MMP15: variants seen among roughly 807,000 people sequenced by gnomAD.
MMP15 encodes matrix metalloproteinase-15.
In MMP15, 36 loss-of-function variants were observed where a neutral mutation model predicts 65.0. The observed-to-expected ratio is 0.55, with a 90% CI of 0.42 to 0.73. MMP15 has a LOEUF of 0.73. Ranked by LOEUF, MMP15 falls within the 30% of genes least tolerant of loss-of-function variation. The pLI, the probability that MMP15 is intolerant of heterozygous loss-of-function variation, is 0.00. For synonymous variants in MMP15, 428 were observed against 410.2 expected (o/e 1.04, Z -0.52); for missense variants, 870 against 987.8 (o/e 0.88, Z 1.60).
intron 9 of MMP15, among the ~76,000 whole-genome samples, chr16:58,043,976 G>C (rs962435042): frequency 7.9e-5 from 12 of 152,178 alleles, no homozygotes; most frequent in Non-Finnish European, 1.8e-4. Context: ...CCACCCCCAG[G>C]CAATCCCAGG....
At position 58,038,323 on chromosome 16, in the gene MMP15, C is replaced by T. The variant is rs1567430266; in HGVS notation, c.369C>T (p.Ala123=). 3.1e-6 allele frequency: 5 copies of T among 1,614,098 alleles called. No individual in the cohort carries two copies. The highest frequency in any genetic ancestry group is 1.3e-5 in the African/African-American group (1 of 75,058). Residue 123 remains alanine, a synonymous_variant, in exon 3 of 10, where the codon GCC becomes GCT. Transcript: ENST00000219271. ...VPDQFGVRVK[A]NLRRRRKRYA... is the part of the protein sequence containing the mutation. ...ACCAGTTCGGGGTACGAGTGAAAGC[C>T]AACCTGCGGCGGCGTCGGAAGCGCT...
intron 1 of MMP15, among the ~76,000 whole-genome samples, chr16:58,032,768 A>G (rs1959258135): frequency 6.6e-6 from 1 of 152,176 alleles, no homozygotes; most frequent in African/African-American, 2.4e-5. Context: ...TGGGCATGGT[A>G]AGGACCTCAC....
At position 58,043,378 on chromosome 16, in the gene MMP15, C is replaced by T. The variant is rs772236366; in HGVS notation, c.1454+18C>T. The T allele has an allele frequency of 5.6e-6, 9 of 1,599,628 alleles. No homozygotes were observed. Among genetic ancestry groups the T allele is most frequent in the Non-Finnish European group, 6.8e-6 (8 of 1,173,266 alleles). On this transcript the variant is annotated intron_variant, in intron 8 of 9. Coordinates refer to ENST00000219271, the MANE Select transcript of MMP15 (RefSeq NM_002428.4). ...GAGGACAGGTGAGCAGTGCGTCCCTCCCCTAAGGGGAGAAGGCCCCATCTA... is the reference window on the plus strand; with the variant it reads ...GAGGACAGGTGAGCAGTGCGTCCCTTCCCTAAGGGGAGAAGGCCCCATCTA...
intron 1 of MMP15, among the ~76,000 whole-genome samples, chr16:58,028,018 C>T (rs1378814131): frequency 6.6e-6 from 1 of 152,194 alleles, no homozygotes; most frequent in African/African-American, 2.4e-5. Flanking sequence ...AGTCACAGTC[C>T]CACCATTGAG....
At position 58,038,645 on chromosome 16, in the gene MMP15, T is replaced by C. The variant is rs1396884590; in HGVS notation, c.440+251T>C. Among the ~76,000 whole-genome samples, 4 of 152,200 alleles carry C rather than the reference T, an allele frequency of 2.6e-5. No homozygotes were observed. In the East Asian group the frequency reaches 7.7e-4, roughly 29 times the overall value. ...CTGGCCTCACTGGGCACAGCTGGGC[T>C]ACTGCCCCAGCACAGACTGCAGCAA... On this transcript the variant is annotated intron_variant, in intron 3 of 9. Transcript: ENST00000219271.
In MMP15 at chr16:58,042,332, C is replaced by G. The variant is rs1174251430; in HGVS notation, c.1266C>G (p.Ala422=). The G allele has an allele frequency of 6.2e-7, 1 of 1,614,244 alleles. No individual in the cohort carries two copies. The change falls in exon 7 of 10, where the codon GCC becomes GCG. Residue 422 remains alanine, a synonymous_variant. Coordinates refer to ENST00000219271, the MANE Select transcript of MMP15 (RefSeq NM_002428.4). ...WRGLPGDISA[A]YERQDGRFVF... ...GTCTGCCCGGTGACATCAGTGCTGC[C>G]TACGAGCGCCAAGACGGTCGTTTTG... is the stretch of plus-strand genomic sequence containing the variant.
intron 1 of MMP15, among the ~76,000 whole-genome samples, chr16:58,031,237 A>G (rs1424169983): frequency 6.6e-6 from 1 of 152,178 alleles, no homozygotes; most frequent in Non-Finnish European, 1.5e-5. Context: ...CCCAACCCCC[A>G]TGCGGGGTTG....
Position 58,043,592 on chromosome 16 carries a change from C to A in MMP15, c.1535C>A (p.Ala512Asp). The change falls in exon 9 of 10, where the codon GCC becomes GAC. Residue 512 changes from alanine to aspartate, a missense_variant. Physicochemically the swap from Ala to Asp is moderately radical, Grantham distance 126 (BLOSUM62 -2). Transcript: ENST00000219271. ...KPISVWQGIP[A>D]SPKGAFLSND... ...ATCAGTGTCTGGCAGGGGATCCCTG[C>A]CTCCCCTAAAGGGGCCTTCCTGAGC... The A allele has an allele frequency of 1.2e-6, 2 of 1,613,404 alleles. No individual in the cohort carries two copies. The highest frequency in any genetic ancestry group is 1.7e-6 in the Non-Finnish European group (2 of 1,179,714).
Position 58,026,469 on chromosome 16 carries a change from T to A in MMP15, c.119T>A (p.Leu40Gln), listed in dbSNP as rs1315156746. Reference sequence around the variant, plus strand: ...CTGCTCCTGGTGCTTCTGGGCTGCCTGGGCCTTGGCGTAGCGGCCGAAGAC... The same window carrying A: ...CTGCTCCTGGTGCTTCTGGGCTGCCAGGGCCTTGGCGTAGCGGCCGAAGAC... ...LPLLLVLLGC[L>Q]GLGVAAEDAE... The change falls in exon 1 of 10, where the codon CTG becomes CAG. Residue 40 changes from leucine (L) to glutamine (Q), a missense_variant. Transcript: ENST00000219271. The A allele has an allele frequency of 4.2e-6, 6 of 1,415,392 alleles. No individual in the cohort carries two copies. The South Asian group carries it at 4.4e-5, about 10-fold the overall frequency. 87.7% of individuals were successfully genotyped at this position (1,415,392 alleles called of 1,614,324 possible). A position where few individuals can be genotyped will look rare whatever the true frequency, so the allele number is the denominator to read the frequency against.
intron 1 of MMP15, among the ~76,000 whole-genome samples, chr16:58,027,116 C>A (rs938067825): frequency 6.6e-6 from 1 of 152,224 alleles, no homozygotes; most frequent in Non-Finnish European, 1.5e-5. Flanking sequence ...TGCGCTTTTG[C>A]GAGGAAGCCT....
At chr16:58,043,168 G>A in intron 7 of MMP15, 42 bp from the exon 8 acceptor site, 5 of 1,519,884 alleles carry the variant, frequency 3.3e-6, no homozygotes, top group Non-Finnish European at 3.5e-6. Context: ...ACACCCCTCA[G>A]CCCCAGGCCT....
rs150771348 is a variant in MMP15, at chr16:58,039,396, C to T, written c.441-479C>T. On this transcript the variant is annotated intron_variant, in intron 3 of 9. Coordinates refer to ENST00000219271, the MANE Select transcript of MMP15 (RefSeq NM_002428.4). ...GCAGTGAGCCGAGATTGCGCCACTG[C>T]GCTCCAGCCCGGGTGACAGAGCAAG... Among the ~76,000 whole-genome samples the T allele has an allele frequency of 1.5e-4, 23 of 152,332 alleles. No homozygotes were observed. The East Asian group carries it at 2.7e-3, about 18-fold the overall frequency.
intron 6 of MMP15, 150 bp from the exon 7 acceptor site, chr16:58,042,081 G>A: frequency 8.7e-7 from 1 of 1,153,774 alleles, no homozygotes; most frequent in Non-Finnish European, 1.2e-6. Flanking sequence ...TTTCTGTGCA[G>A]CCCTGGCTTT....
intron 1 of MMP15, 120 bp from the exon 2 acceptor site, chr16:58,037,352 G>C (rs1477200661): frequency 7.7e-7 from 1 of 1,302,880 alleles, no homozygotes; most frequent in East Asian, 2.3e-5. Flanking sequence ...TGGGCAGGAG[G>C]TGATGACGGC....
At chr16:58,038,151 C>T (rs562687962) in intron 2 of MMP15, 115 bp from the exon 3 acceptor site, 2 of 1,394,476 alleles carry the variant, frequency 1.4e-6, no homozygotes, top group South Asian at 2.6e-5. Context: ...CCCATCCCCA[C>T]TGTGTCATAG....
At position 58,039,958 on chromosome 16, in the gene MMP15, C is replaced by T. The variant is rs543769931; in HGVS notation, c.524C>T (p.Thr175Met). ...RRAFRVWEQA[T>M]PLVFQEVPYE... ...GCCTTCCGCGTGTGGGAGCAGGCCA[C>T]GCCCCTGGTCTTCCAGGAGGTGCCC... Residue 175 changes from threonine to methionine, a missense_variant, in exon 4 of 10, where the codon ACG becomes ATG. Transcript: ENST00000219271. 8.1e-6 allele frequency: 13 copies of T among 1,613,780 alleles called. No homozygotes were observed. The highest frequency in any genetic ancestry group is 3.3e-5 in the Admixed American group (2 of 60,024).
At chr16:58,042,751 T>C (rs1388483176) in intron 7 of MMP15, among the ~76,000 whole-genome samples, 1 of 152,236 alleles carries the variant, frequency 6.6e-6, no homozygotes, top group Non-Finnish European at 1.5e-5. Flanking sequence ...CGCCCCGTGA[T>C]GGATCCACCA....
At chr16:58,034,447 TC>T (rs1469762113) in intron 1 of MMP15, among the ~76,000 whole-genome samples, 3 of 152,018 alleles carry the variant, frequency 2.0e-5, no homozygotes, top group African/African-American at 7.3e-5. Flanking sequence ...GGAAACTTCT[TC>T]CTGGACCCTG....
At position 58,031,686 on chromosome 16, in the gene MMP15, C is replaced by T. The variant is rs41326546; in HGVS notation, c.162+5174C>T. Among the ~76,000 whole-genome samples the T allele has an allele frequency of 4.3e-3, 651 of 152,114 alleles. 7 individuals carry two copies. The highest frequency in any genetic ancestry group is 0.015 in the African/African-American group (614 of 41,492). On this transcript the variant is annotated intron_variant, in intron 1 of 9. Coordinates refer to ENST00000219271, the MANE Select transcript of MMP15 (RefSeq NM_002428.4). ...TCCTGCTTCTCCTGCTGGACTTCCC[C>T]ACCACCCAGAGTCCCAGCCCCCACC...
Sources: allele counts gnomAD v4.1 joint callset (sites outside exome capture counted in the v4.1 genomes callset), GRCh38; gene constraint gnomAD v4.1.1; transcripts MANE v1.5; gene names NCBI Gene and HGNC (gene_info 2026-07-23, HGNC 2026-07-21).